NUP153: variants seen among roughly 807,000 people sequenced by gnomAD.
NUP153 encodes the protein nucleoporin 153.
NUP153 carries 27 observed loss-of-function variants against 134.6 expected under a neutral mutation model. That is an observed-to-expected ratio of 0.20 (90% CI 0.15 to 0.28). The LOEUF (loss-of-function observed/expected upper bound fraction) is 0.28, where lower values mean the gene tolerates loss of function less well. Ranked by LOEUF, NUP153 falls within the 10% of genes least tolerant of loss-of-function variation. The pLI, the probability that NUP153 is intolerant of heterozygous loss-of-function variation, is 1.00. For missense variants in NUP153, 1,821 were observed against 1,731.3 expected, an observed-to-expected ratio of 1.05 and a Z score of -0.92; for synonymous variants, 640 against 623.5, an observed-to-expected ratio of 1.03 and a Z score of -0.40.
At chr6:17,661,318 A>G (rs1767162369) in intron 11 of NUP153, among the ~76,000 whole-genome samples, 1 of 152,238 alleles carries the variant, frequency 6.6e-6, no homozygotes, top group African/African-American at 2.4e-5. Context: ...TATCTTAAAA[A>G]AAGAAGAATA....
chr6:17,690,220 C>T (rs1460606352), intron 1 of NUP153, among the ~76,000 whole-genome samples: 5 of 142,176 alleles, frequency 3.5e-5, no homozygotes, highest in African/African-American at 1.2e-4. Flanking sequence ...GGCGTGGTGG[C>T]GGGCGCATGT....
chr6:17,694,990 AAAAG>A (rs1769546572), intron 1 of NUP153, among the ~76,000 whole-genome samples: 1 of 151,808 alleles, frequency 6.6e-6, no homozygotes, highest in Non-Finnish European at 1.5e-5. Flanking sequence ...AGGAAAAAAA[AAAAG>A]AGAGAGTGGG....
intron 1 of NUP153, among the ~76,000 whole-genome samples, chr6:17,692,467 T>C (rs1016710608): frequency 6.6e-6 from 1 of 152,070 alleles, no homozygotes; most frequent in Non-Finnish European, 1.5e-5. Context: ...TCAGCTATGA[T>C]TGTACCACTG....
chr6:17,676,567 T>C (rs1261022106), intron 2 of NUP153, among the ~76,000 whole-genome samples: 1 of 152,062 alleles, frequency 6.6e-6, no homozygotes, highest in African/African-American at 2.4e-5. Flanking sequence ...TTTCTAAAGT[T>C]CCCAAAAAGA....
chr6:17,678,405 A>G (rs997686062), intron 2 of NUP153, among the ~76,000 whole-genome samples: 4 of 150,568 alleles, frequency 2.7e-5, no homozygotes, highest in African/African-American at 9.9e-5. Context: ...AAAAACTGAC[A>G]TGTTAAGGAA....
At chr6:17,663,945 CA>C (rs1345282284) in intron 9 of NUP153, among the ~76,000 whole-genome samples, 1 of 151,934 alleles carries the variant, frequency 6.6e-6, no homozygotes, top group Non-Finnish European at 1.5e-5. Context: ...CACACAAACA[CA>C]CAAAAAAACA....
At chr6:17,627,133 C>G (rs987020088) in intron 18 of NUP153, among the ~76,000 whole-genome samples, 1 of 152,104 alleles carries the variant, frequency 6.6e-6, no homozygotes, top group African/African-American at 2.4e-5. Flanking sequence ...ACACTATGGG[C>G]ATTAGTATGA....
intron 5 of NUP153, among the ~76,000 whole-genome samples, chr6:17,674,096 C>T (rs781563118): frequency 4.6e-5 from 7 of 152,182 alleles, no homozygotes; most frequent in South Asian, 2.1e-4. Flanking sequence ...TATGACTAAA[C>T]GTATATGACA....
chr6:17,666,399 C>T (rs542329631), intron 8 of NUP153, among the ~76,000 whole-genome samples: 6 of 152,016 alleles, frequency 3.9e-5, no homozygotes, highest in African/African-American at 9.7e-5. Flanking sequence ...CCTGTAATCC[C>T]GGCTATTCAG....
At chr6:17,648,802 C>CAA (rs35988815) in intron 12 of NUP153, among the ~76,000 whole-genome samples, 3 of 141,758 alleles carry the variant, frequency 2.1e-5, no homozygotes, top group Admixed American at 7.0e-5. Flanking sequence ...GACACCATCT[C>CAA]AAAAAAAAAA....
At position 17,637,423 on chromosome 6, in the gene NUP153, A is replaced by G. The variant is rs758171433; in HGVS notation, c.2194T>C (p.Leu732=). 1.2e-6 allele frequency: 2 copies of G among 1,614,106 alleles called. No individual in the cohort carries two copies. Among genetic ancestry groups the G allele is most frequent in the African/African-American group, 2.7e-5 (2 of 74,918 alleles). Residue 732 remains leucine, a synonymous_variant, in exon 16 of 22, where the codon TTA becomes CTA. Coordinates refer to ENST00000262077, the MANE Select transcript of NUP153 (RefSeq NM_005124.4). ...ATTGCTTCAGGTTTATTTTGCACTAAACAGGTATCACAATCCCAAGTGCCT... is the reference window on the plus strand; with the variant it reads ...ATTGCTTCAGGTTTATTTTGCACTAGACAGGTATCACAATCCCAAGTGCCT... ...VIGTWDCDTC[L]VQNKPEAIKC...
In NUP153 at chr6:17,706,840, C is replaced by CCGTCGTCGT. The variant is rs893041007; in HGVS notation, c.-462_-454dup. ...TGTGCGCACAGCGCCCGCCCCGCCG[C>CCGTCGTCGT]CGTCGTCGTCGTCGTCCCTGCAGCC... On this transcript the variant is annotated 5_prime_UTR_variant, in exon 1 of 22. Coordinates refer to ENST00000262077, the MANE Select transcript of NUP153 (RefSeq NM_005124.4). This position sits in a 1 kb window ranked among gnomAD's most constrained non-coding sequence, Gnocchi z 5.9. The CCGTCGTCGT allele has an allele frequency of 5.8e-6, 1 of 171,790 alleles. No homozygotes were observed. Among genetic ancestry groups the CCGTCGTCGT allele is most frequent in the Non-Finnish European group, 1.3e-5 (1 of 79,836 alleles). The allele number at this position is 171,790 out of a possible 1,614,324, so 10.6% of individuals were successfully genotyped here. A position where few individuals can be genotyped will look rare whatever the true frequency, so the allele number is the denominator to read the frequency against.
intron 2 of NUP153, among the ~76,000 whole-genome samples, chr6:17,684,496 G>C (rs1007526309): frequency 1.3e-5 from 2 of 152,214 alleles, no homozygotes; most frequent in African/African-American, 4.8e-5. Flanking sequence ...TTTGTAGCTA[G>C]TTTGATCTTC....
At chr6:17,688,898 T>G (rs1276059073) in intron 1 of NUP153, among the ~76,000 whole-genome samples, 1 of 152,172 alleles carries the variant, frequency 6.6e-6, no homozygotes, top group Non-Finnish European at 1.5e-5. Context: ...ATACTCAATG[T>G]CGATTTTAGA....
rs1018780842 is a variant in NUP153, at chr6:17,625,600, T to C, written c.3901+208A>G. On this transcript the variant is annotated intron_variant, in intron 19 of 21. Coordinates refer to ENST00000262077, the MANE Select transcript of NUP153 (RefSeq NM_005124.4). The surrounding 1 kb of genome is among the most constrained non-coding windows in gnomAD (Gnocchi z 4.7). ...TACACTCTTACCACAATTAGAAAAA[T>C]TGCTCCCAAGAGGTAAATATGTTAA... Among the ~76,000 whole-genome samples, 1 of 152,070 alleles carries C rather than the reference T, an allele frequency of 6.6e-6. No homozygotes were observed. The highest frequency in any genetic ancestry group is 2.4e-5 in the African/African-American group (1 of 41,404).
chr6:17,632,667 G>C lies in NUP153; in HGVS notation c.2642C>G (p.Thr881Arg). ...CLACESAKPG[T>R]KSGFKGFDTS... Reference sequence around the variant, plus strand: ...GGCCTTACCTTTAAACCCAGATTTTGTGCCTGGCTTTGCACTTTCACATGC... The same window carrying C: ...GGCCTTACCTTTAAACCCAGATTTTCTGCCTGGCTTTGCACTTTCACATGC... Residue 881 changes from threonine (T) to arginine (R), a missense_variant, in exon 17 of 22, where the codon ACA (threonine) becomes AGA (arginine). By Grantham distance (71) the Thr-to-Arg change is moderately conservative. Coordinates refer to ENST00000262077, the MANE Select transcript of NUP153 (RefSeq NM_005124.4). 1 of 1,605,010 alleles carries C rather than the reference G, an allele frequency of 6.2e-7. No individual in the cohort carries two copies. Among genetic ancestry groups the C allele is most frequent in the Non-Finnish European group, 8.5e-7 (1 of 1,176,014 alleles).
intron 11 of NUP153, among the ~76,000 whole-genome samples, chr6:17,660,447 A>G (rs1215733007): frequency 2.0e-5 from 3 of 152,174 alleles, no homozygotes; most frequent in African/African-American, 7.2e-5. Flanking sequence ...AAAAAGAGCA[A>G]TATATAGACA....
intron 13 of NUP153, 121 bp downstream of exon 13, chr6:17,647,686 A>AT (rs1766274193): frequency 3.0e-6 from 2 of 675,068 alleles, no homozygotes; most frequent in Non-Finnish European, 5.1e-6. Flanking sequence ...TACACAGAGT[A>AT]TTTTTTAAGT....
intron 1 of NUP153, among the ~76,000 whole-genome samples, chr6:17,695,237 T>C (rs964551834): frequency 1.3e-5 from 2 of 152,212 alleles, no homozygotes; most frequent in Admixed American, 1.3e-4. Context: ...ATAAAAGGAC[T>C]AAAACAGTGG....
Sources: allele counts gnomAD v4.1 joint callset (sites outside exome capture counted in the v4.1 genomes callset), GRCh38; gene constraint gnomAD v4.1.1; non-coding constraint Gnocchi (gnomAD v3.1); transcripts MANE v1.5; gene names NCBI Gene and HGNC (gene_info 2026-07-23, HGNC 2026-07-21).